CAMK4: variants seen among roughly 807,000 people sequenced by gnomAD.
CAMK4 encodes calcium/calmodulin dependent protein kinase IV.
Under a neutral mutation model 44.9 loss-of-function variants are expected in CAMK4, and 22 were observed. The ratio of observed to expected loss-of-function variants is 0.49; its 90% CI spans 0.35 to 0.70. CAMK4 has a LOEUF of 0.70. Ranked by LOEUF, CAMK4 falls within the 30% of genes least tolerant of loss-of-function variation. CAMK4 has a pLI of 0.01. For synonymous variants in CAMK4, 218 were observed against 215.4 expected (o/e 1.01, Z -0.11); for missense variants, 498 against 586.8 (o/e 0.85, Z 1.56).
chr5:111,353,511 C>T (rs1750200564), intron 2 of CAMK4, among the ~76,000 whole-genome samples: 1 of 151,986 alleles, frequency 6.6e-6, no homozygotes, highest in Non-Finnish European at 1.5e-5. Flanking sequence ...GAAAAAATAC[C>T]TGTAAATAGT....
chr5:111,327,578 C>T (rs1246919507), intron 1 of CAMK4, among the ~76,000 whole-genome samples: 17 of 151,838 alleles, frequency 1.1e-4, no homozygotes, highest in South Asian at 8.3e-4. Context: ...CCTGAGGAAT[C>T]GCCACACTGA....
intron 5 of CAMK4, among the ~76,000 whole-genome samples, chr5:111,403,151 A>G (rs1032532750): frequency 1.3e-5 from 2 of 152,216 alleles, no homozygotes; most frequent in African/African-American, 4.8e-5. Context: ...TTTTCACTGA[A>G]TATCAAACAT....
intron 4 of CAMK4, among the ~76,000 whole-genome samples, chr5:111,390,532 T>C (rs1438834961): frequency 6.6e-6 from 1 of 152,200 alleles, no homozygotes; most frequent in African/African-American, 2.4e-5. Flanking sequence ...ATATGCTATT[T>C]GAGGTACCAT....
At chr5:111,242,678 C>T (rs1749055338) in intron 1 of CAMK4, among the ~76,000 whole-genome samples, 1 of 152,140 alleles carries the variant, frequency 6.6e-6, no homozygotes, top group Non-Finnish European at 1.5e-5. Context: ...CTTTTCAGAA[C>T]AGCCGTTGCG....
intron 7 of CAMK4, among the ~76,000 whole-genome samples, chr5:111,452,097 T>G (rs1374839407): frequency 3.3e-5 from 5 of 152,218 alleles, no homozygotes; most frequent in African/African-American, 1.2e-4. Flanking sequence ...TAGGTAGACA[T>G]GAAGGATGAG....
chr5:111,405,494 G>A (rs989199465), intron 5 of CAMK4, among the ~76,000 whole-genome samples: 11 of 151,978 alleles, frequency 7.2e-5, no homozygotes, highest in South Asian at 2.1e-4. Context: ...AAAAAAAGAC[G>A]AAGTTTATTG....
At chr5:111,349,343 A>G (rs959713914) in intron 2 of CAMK4, among the ~76,000 whole-genome samples, 11 of 152,052 alleles carry the variant, frequency 7.2e-5, no homozygotes, top group African/African-American at 2.7e-4. Context: ...TTTTTCTTTC[A>G]TGCATAAGCC....
intron 7 of CAMK4, among the ~76,000 whole-genome samples, chr5:111,455,885 A>G (rs917614058): frequency 6.6e-6 from 1 of 152,244 alleles, no homozygotes; most frequent in Non-Finnish European, 1.5e-5. Flanking sequence ...CAACTATACA[A>G]TGGGAATAAT....
chr5:111,475,017 G>T (rs1755187963), intron 8 of CAMK4, among the ~76,000 whole-genome samples: 1 of 152,094 alleles, frequency 6.6e-6, no homozygotes, highest in Non-Finnish European at 1.5e-5. Flanking sequence ...TAAAAAATTA[G>T]CAGGGTGTGG....
At chr5:111,237,655 C>T (rs1272934391) in intron 1 of CAMK4, among the ~76,000 whole-genome samples, 1 of 152,126 alleles carries the variant, frequency 6.6e-6, no homozygotes, top group Admixed American at 6.5e-5. Flanking sequence ...CTTCCTCTAC[C>T]CCTCTAGTTT....
rs144620216 is a variant in CAMK4, at chr5:111,431,778, C to G, written c.460-14908C>G. Among the ~76,000 whole-genome samples, 597 of 152,242 alleles carry G rather than the reference C, an allele frequency of 3.9e-3. 6 individuals carry two copies. The highest frequency in any genetic ancestry group is 0.013 in the African/African-American group (544 of 41,558). ...TGAAAAAGTACTCAACATCATTGAT[C>G]ATCAGAGAAATGCAAATCAAAACTA... On this transcript the variant is annotated intron_variant, in intron 5 of 10. Transcript: ENST00000282356.
chr5:111,234,164 C>G (rs1005753152), intron 1 of CAMK4, among the ~76,000 whole-genome samples: 4 of 152,100 alleles, frequency 2.6e-5, no homozygotes, highest in Non-Finnish European at 4.4e-5. Flanking sequence ...ACTGAATAAA[C>G]TTCTTTATAT....
intron 1 of CAMK4, chr5:111,277,431 A>C (rs1750814190): frequency 1.3e-5 from 2 of 152,238 alleles, no homozygotes; most frequent in African/African-American, 2.4e-5. Context: ...GATTAAAAGC[A>C]ATGTTTCATT....
At chr5:111,395,257 AGAAAG>A (rs1751963793) in intron 5 of CAMK4, among the ~76,000 whole-genome samples, 1 of 151,360 alleles carries the variant, frequency 6.6e-6, no homozygotes. Flanking sequence ...AAAAAAGAAA[AGAAAG>A]AAAATGTATG....
chr5:111,372,702 G>A lies in CAMK4; in HGVS notation c.241-2148G>A, dbSNP rs1580666606. 5.9e-5 allele frequency among the ~76,000 whole-genome samples: 9 copies of A among 152,254 alleles called. 3 individuals are homozygous for A. The highest frequency in any genetic ancestry group is 5.9e-4 in the Admixed American group (9 of 15,274). On this transcript the variant is annotated intron_variant, in intron 2 of 10. Transcript: ENST00000282356. ...TGTTACTTGAAACTGAAAGAGCTTTGATCAATACATGGTCTGAATCATGCA... is the reference window on the plus strand; with the variant it reads ...TGTTACTTGAAACTGAAAGAGCTTTAATCAATACATGGTCTGAATCATGCA...
At position 111,295,804 on chromosome 5, in the gene CAMK4, C is replaced by A. The variant is rs117915958; in HGVS notation, c.162-48220C>A. Among the ~76,000 whole-genome samples the A allele has an allele frequency of 3.9e-5, 6 of 152,246 alleles. No individual in the cohort carries two copies. In the East Asian group the frequency reaches 1.2e-3, roughly 29 times the overall value. On this transcript the variant is annotated intron_variant, in intron 1 of 10. Transcript: ENST00000282356. ...GAAAGAGCAGAAAATGAGAGGGGAA[C>A]AAGGACAATTTGAACAAATATGCTT...
At chr5:111,260,122 A>T (rs1343801007) in intron 1 of CAMK4, among the ~76,000 whole-genome samples, 1 of 152,188 alleles carries the variant, frequency 6.6e-6, no homozygotes, top group Non-Finnish European at 1.5e-5. Flanking sequence ...GATGATTCAC[A>T]TTCCTGAAGG....
chr5:111,231,713 T>G (rs1748486214), intron 1 of CAMK4, among the ~76,000 whole-genome samples: 1 of 143,768 alleles, frequency 7.0e-6, no homozygotes, highest in Non-Finnish European at 1.6e-5. Context: ...TTAAATTACC[T>G]TATTTTGTTA....
At chr5:111,418,893 C>A (rs1752915708) in intron 5 of CAMK4, among the ~76,000 whole-genome samples, 1 of 152,096 alleles carries the variant, frequency 6.6e-6, no homozygotes, top group African/African-American at 2.4e-5. Context: ...AATAGTGCCG[C>A]AATAAACATA....
Sources: gnomAD v4.1 joint callset for allele counts (sites outside exome capture counted in the v4.1 genomes callset) on GRCh38, gnomAD v4.1.1 for gene constraint, MANE v1.5 for transcripts, NCBI Gene and HGNC (gene_info 2026-07-23, HGNC 2026-07-21) for gene names.